The following GPR39 variants were observed in gnomAD, a reference collection of about 807,000 sequenced individuals.
GPR39 encodes the protein zinc sensing receptor.
GPR39 carries 23 observed loss-of-function variants against 18.4 expected under a neutral mutation model. The observed-to-expected ratio is 1.25, with a 90% CI of 0.90 to 1.77. The LOEUF (loss-of-function observed/expected upper bound fraction) is 1.77. Among genes scored for constraint, GPR39 ranks in the 40% most tolerant of loss-of-function variants. GPR39 has a pLI of 0.00. For missense variants in GPR39, 647 were observed against 602.4 expected (o/e 1.07, Z -0.78); for synonymous variants, 280 against 257.9 (o/e 1.09, Z -0.82).
At chr2:132,642,849 T>C (rs968542624) in intron 1 of GPR39, among the ~76,000 whole-genome samples, 3 of 150,982 alleles carry the variant, frequency 2.0e-5, no homozygotes, top group Non-Finnish European at 2.9e-5. Flanking sequence ...TGGTTGTACA[T>C]GTTCTCTGAA....
chr2:132,545,423 A>T (rs1053807104), intron 1 of GPR39, among the ~76,000 whole-genome samples: 7 of 152,172 alleles, frequency 4.6e-5, no homozygotes, highest in African/African-American at 1.7e-4. Context: ...CTCATGTTCT[A>T]TTGTGCACCA....
chr2:132,504,927 C>T (rs1025204690), intron 1 of GPR39, among the ~76,000 whole-genome samples: 1 of 152,214 alleles, frequency 6.6e-6, no homozygotes, highest in Non-Finnish European at 1.5e-5. Context: ...ATTTCTTCAG[C>T]ACATCTTTCC....
At chr2:132,584,923 A>G (rs867990634) in intron 1 of GPR39, among the ~76,000 whole-genome samples, 89 of 152,294 alleles carry the variant, frequency 5.8e-4, no homozygotes, top group African/African-American at 2.0e-3. Flanking sequence ...ACTGATTTCC[A>G]CAGATCTCAG....
chr2:132,482,978 G>A (rs550326534), intron 1 of GPR39, among the ~76,000 whole-genome samples: 4 of 152,248 alleles, frequency 2.6e-5, no homozygotes, highest in South Asian at 4.1e-4. Flanking sequence ...ACTGTGCACG[G>A]CAATATAGTG....
intron 1 of GPR39, among the ~76,000 whole-genome samples, chr2:132,568,670 CA>C (rs1680392809): frequency 6.6e-6 from 1 of 152,034 alleles, no homozygotes; most frequent in African/African-American, 2.4e-5. Context: ...TGTGTCACTG[CA>C]CTCCAGTCTG....
intron 1 of GPR39, among the ~76,000 whole-genome samples, chr2:132,459,893 C>T (rs554779899): frequency 2.6e-5 from 4 of 152,254 alleles, no homozygotes; most frequent in South Asian, 2.1e-4. Context: ...CCTTCCAAAA[C>T]GATACCTGCT....
intron 1 of GPR39, among the ~76,000 whole-genome samples, chr2:132,458,458 T>G (rs5021570): frequency 1.4e-4 from 18 of 132,126 alleles, no homozygotes; most frequent in African/African-American, 2.9e-4. Flanking sequence ...CTCGGTGTGT[T>G]TGTGTGTGTG....
At chr2:132,507,766 A>G (rs1328963307) in intron 1 of GPR39, among the ~76,000 whole-genome samples, 1 of 152,218 alleles carries the variant, frequency 6.6e-6, no homozygotes, top group Admixed American at 6.5e-5. Context: ...CAACTCAGAG[A>G]ACTTAGGAAA....
chr2:132,552,319 C>T (rs1053884154), intron 1 of GPR39, among the ~76,000 whole-genome samples: 9 of 152,214 alleles, frequency 5.9e-5, no homozygotes, highest in East Asian at 1.9e-4. Flanking sequence ...CTGCTGTCCT[C>T]GTGATAGTGA....
intron 1 of GPR39, among the ~76,000 whole-genome samples, chr2:132,599,729 C>T (rs753711028): frequency 7.3e-5 from 11 of 151,014 alleles, no homozygotes; most frequent in Non-Finnish European, 1.6e-4. Flanking sequence ...GGTGAATTGC[C>T]GCCATCTCTG....
chr2:132,486,760 A>T (rs1681348288), intron 1 of GPR39, among the ~76,000 whole-genome samples: 1 of 152,198 alleles, frequency 6.6e-6, no homozygotes, highest in African/African-American at 2.4e-5. Context: ...CTTCTATCAA[A>T]ACCACTCAGA....
At chr2:132,514,014 C>T (rs1351772475) in intron 1 of GPR39, among the ~76,000 whole-genome samples, 3 of 152,158 alleles carry the variant, frequency 2.0e-5, no homozygotes, top group Non-Finnish European at 4.4e-5. Flanking sequence ...GTCCACCTTC[C>T]TTCTTTTCTT....
intron 1 of GPR39, among the ~76,000 whole-genome samples, chr2:132,515,217 C>T (rs903771754): frequency 6.6e-5 from 10 of 152,148 alleles, no homozygotes; most frequent in Admixed American, 2.6e-4. Context: ...AGGCCCCTTC[C>T]AGCCTAAGTC....
At chr2:132,580,321 T>G (rs1680600769) in intron 1 of GPR39, among the ~76,000 whole-genome samples, 1 of 152,156 alleles carries the variant, frequency 6.6e-6, no homozygotes, top group African/African-American at 2.4e-5. Context: ...AGTGTGAGGG[T>G]TTTCCCAGGA....
chr2:132,579,626 T>C (rs1235058571), intron 1 of GPR39, among the ~76,000 whole-genome samples: 1 of 152,174 alleles, frequency 6.6e-6, no homozygotes, highest in African/African-American at 2.4e-5. Context: ...CCTTCTGGTC[T>C]TAGGCAGAAA....
intron 1 of GPR39, among the ~76,000 whole-genome samples, chr2:132,441,294 A>T (rs1426339894): frequency 1.3e-5 from 2 of 152,166 alleles, no homozygotes; most frequent in East Asian, 3.9e-4. Context: ...CTGTTTACAG[A>T]TACGCTGCAT....
chr2:132,513,327 G>A (rs1558822220), intron 1 of GPR39, among the ~76,000 whole-genome samples: 1 of 152,184 alleles, frequency 6.6e-6, no homozygotes, highest in Non-Finnish European at 1.5e-5. Flanking sequence ...GCCGGGCGAG[G>A]TGGCGGGCGC....
intron 1 of GPR39, among the ~76,000 whole-genome samples, chr2:132,496,278 C>T (rs1010718455): frequency 2.0e-5 from 3 of 152,148 alleles, no homozygotes; most frequent in African/African-American, 7.2e-5. Flanking sequence ...AGGCCTGGCT[C>T]AGTGTATTTG....
chr2:132,618,959 A>G (rs1258864007), intron 1 of GPR39, among the ~76,000 whole-genome samples: 1 of 152,160 alleles, frequency 6.6e-6, no homozygotes, highest in Non-Finnish European at 1.5e-5. Flanking sequence ...ATAAACGGGA[A>G]CTGCCCACAG....
Sources: gnomAD v4.1 joint callset for allele counts (sites outside exome capture counted in the v4.1 genomes callset) on GRCh38, gnomAD v4.1.1 for gene constraint, MANE v1.5 for transcripts, NCBI Gene and HGNC (gene_info 2026-07-23, HGNC 2026-07-21) for gene names.